GRM8: variants seen among roughly 807,000 people sequenced by gnomAD.
GRM8 encodes the protein metabotropic glutamate receptor 8.
GRM8 carries 47 observed loss-of-function variants against 87.2 expected under a neutral mutation model. The observed-to-expected ratio is 0.54, with a 90% CI of 0.43 to 0.69. The LOEUF (loss-of-function observed/expected upper bound fraction) is 0.69. GRM8 is among the 30% of genes least tolerant of loss of function. GRM8 has a pLI of 0.00. For synonymous variants in GRM8, 396 were observed against 404.5 expected (o/e 0.98, Z 0.25); for missense variants, 1,019 against 1,139.2 (o/e 0.89, Z 1.52).
intron 3 of GRM8, among the ~76,000 whole-genome samples, chr7:126,943,519 A>T (rs1399572880): frequency 6.6e-6 from 1 of 152,248 alleles, no homozygotes; most frequent in Non-Finnish European, 1.5e-5. Flanking sequence ...AAACTTACAG[A>T]TCATTTTATA....
intron 3 of GRM8, among the ~76,000 whole-genome samples, chr7:127,090,048 C>T (rs77167562): frequency 6.6e-6 from 1 of 152,182 alleles, no homozygotes; most frequent in African/African-American, 2.4e-5. Flanking sequence ...ATCCTCCATG[C>T]CTGGGACCTT....
chr7:126,476,594 G>T (rs1030980171), intron 9 of GRM8, among the ~76,000 whole-genome samples: 3 of 152,074 alleles, frequency 2.0e-5, no homozygotes, highest in Admixed American at 6.6e-5. Context: ...GACCTGAATA[G>T]ACATTTTTTC....
intron 2 of GRM8, among the ~76,000 whole-genome samples, chr7:127,143,741 T>A (rs1294311298): frequency 6.6e-6 from 1 of 152,146 alleles, no homozygotes; most frequent in African/African-American, 2.4e-5. Context: ...GGAAAAAAAT[T>A]AAAAATTATT....
rs147254631 is a variant in GRM8 at position 126,998,554 on chromosome 7, T to C, written c.728-93871A>G. 7.2e-5 allele frequency among the ~76,000 whole-genome samples: 11 copies of C among 151,862 alleles called. No individual in the cohort carries two copies. In the East Asian group the frequency reaches 1.9e-3, roughly 27 times the overall value. On this transcript the variant is annotated intron_variant, in intron 3 of 10. Transcript: ENST00000339582. ...CACTTCACCATAAAACTGTTAGAAC[T>C]GATAAACAAATTCAGTAAAGATGCA...
rs35078727 is a variant in GRM8, at chr7:126,697,165, TAAA to T, written c.1357+72697_1357+72699del. Among the ~76,000 whole-genome samples, 501 of 138,406 alleles carry T rather than the reference TAAA, an allele frequency of 3.6e-3. 1 individual carries two copies. Among genetic ancestry groups the T allele is most frequent in the South Asian group, 0.021 (92 of 4,332 alleles). The allele number at this position is 138,406 out of a possible 152,430, so 90.8% of individuals were successfully genotyped here. On this transcript the variant is annotated intron_variant, in intron 7 of 10. Transcript: ENST00000339582. ...GTATGTTCTCACTTATGTGTGGAAT[TAAA>T]AAAAAAAAAAAAAAGTCAAGCCCAT...
chr7:126,814,167 C>T (rs916186697), intron 6 of GRM8, among the ~76,000 whole-genome samples: 5 of 151,998 alleles, frequency 3.3e-5, no homozygotes, highest in African/African-American at 1.2e-4. Context: ...AAAAATATGA[C>T]AAAATAGCAA....
intron 9 of GRM8, among the ~76,000 whole-genome samples, chr7:126,459,743 A>C (rs1803681307): frequency 1.3e-5 from 2 of 151,546 alleles, no homozygotes; most frequent in Non-Finnish European, 3.0e-5. Flanking sequence ...GATATTTGCT[A>C]AGATTGGCCC....
chr7:126,859,233 G>T (rs1252975083), intron 6 of GRM8, among the ~76,000 whole-genome samples: 1 of 152,088 alleles, frequency 6.6e-6, no homozygotes, highest in Non-Finnish European at 1.5e-5. Context: ...GTGGCACACA[G>T]TAGGTTTTTC....
chr7:126,622,811 G>A (rs1800309286), intron 7 of GRM8, among the ~76,000 whole-genome samples: 2 of 152,088 alleles, frequency 1.3e-5, no homozygotes, highest in African/African-American at 4.8e-5. Context: ...GTAAAATTGT[G>A]TTCATTTTCT....
intron 2 of GRM8, among the ~76,000 whole-genome samples, chr7:127,126,010 G>GC (rs2133202443): frequency 8.1e-6 from 1 of 122,900 alleles, no homozygotes; most frequent in East Asian, 2.1e-4. Flanking sequence ...AAAAGGGAAT[G>GC]CTTTATACTG....
intron 2 of GRM8, among the ~76,000 whole-genome samples, chr7:127,238,575 T>G (rs1798117283): frequency 2.0e-5 from 3 of 152,182 alleles, no homozygotes. Context: ...GCAACAGCAG[T>G]ATGAACCCCA....
chr7:127,211,444 A>G (rs1423516292), intron 2 of GRM8, among the ~76,000 whole-genome samples: 1 of 152,186 alleles, frequency 6.6e-6, no homozygotes, highest in East Asian at 1.9e-4. Context: ...TGATTAGATT[A>G]TGCCCACACA....
At chr7:127,120,919 A>G (rs1827051196) in intron 2 of GRM8, among the ~76,000 whole-genome samples, 1 of 152,238 alleles carries the variant, frequency 6.6e-6, no homozygotes. Context: ...GTGTCATGAT[A>G]AATCTATAGA....
At position 126,533,013 on chromosome 7, in the gene GRM8, G is replaced by A. The variant is rs1442544053; in HGVS notation, c.2369C>T (p.Thr790Ile). ...GATGAAAGCTAACCAAATGATGCAG[G>A]TGGTATACATGGTAAATCCAATAGG... ...AKPIGFTMYT[T>I]CIIWLAFIPI... Residue 790 changes from threonine to isoleucine, a missense_variant, in exon 9 of 11, where the codon ACC becomes ATC. Transcript: ENST00000339582. 2 of 1,613,420 alleles carry A rather than the reference G, an allele frequency of 1.2e-6. No homozygotes were observed. Among genetic ancestry groups the A allele is most frequent in the African/African-American group, 1.3e-5 (1 of 74,886 alleles).
intron 2 of GRM8, among the ~76,000 whole-genome samples, chr7:127,145,156 T>C (rs757286994): frequency 6.6e-6 from 1 of 152,124 alleles, no homozygotes; most frequent in Non-Finnish European, 1.5e-5. Flanking sequence ...AATTAATTTC[T>C]CAACTGTAAA....
intron 3 of GRM8, among the ~76,000 whole-genome samples, chr7:127,003,960 C>T (rs1814002943): frequency 6.6e-6 from 1 of 151,660 alleles, no homozygotes; most frequent in Admixed American, 6.6e-5. Context: ...TATATACTTA[C>T]ATTAATTAAT....
chr7:126,929,040 A>T (rs1805454239), intron 3 of GRM8, among the ~76,000 whole-genome samples: 1 of 152,190 alleles, frequency 6.6e-6, no homozygotes, highest in South Asian at 2.1e-4. Context: ...AGCTGCTTTC[A>T]CACATACTCA....
chr7:127,152,184 C>T (rs1792426048), intron 2 of GRM8, among the ~76,000 whole-genome samples: 1 of 152,054 alleles, frequency 6.6e-6, no homozygotes, highest in African/African-American at 2.4e-5. Context: ...GGCCTAGTTC[C>T]CATGTGAGTT....
At chr7:127,035,789 G>A (rs773312040) in intron 3 of GRM8, among the ~76,000 whole-genome samples, 115 of 152,174 alleles carry the variant, frequency 7.6e-4, no homozygotes, top group Admixed American at 1.3e-3. Flanking sequence ...AATTCTTCCC[G>A]TAGAGGAGCC....
Sources: allele counts gnomAD v4.1 joint callset (sites outside exome capture counted in the v4.1 genomes callset), GRCh38; gene constraint gnomAD v4.1.1; transcripts MANE v1.5; gene names NCBI Gene and HGNC (gene_info 2026-07-23, HGNC 2026-07-21).